The following USP18 variants were observed in gnomAD, a reference collection of about 807,000 sequenced individuals.
USP18 encodes ubl carboxyl-terminal hydrolase 18.
Under a neutral mutation model 48.7 loss-of-function variants are expected in USP18, and 11 were observed. The ratio of observed to expected loss-of-function variants is 0.23; its 90% CI spans 0.14 to 0.37. The LOEUF is 0.37. Among genes scored for constraint, USP18 ranks in the 10% least tolerant of loss-of-function variants. The pLI is 1.00. For synonymous variants in USP18, 114 were observed against 163.2 expected, an observed-to-expected ratio of 0.70 and a Z score of 2.30; for missense variants, 285 against 436.4, an observed-to-expected ratio of 0.65 and a Z score of 3.09.
At chr22:18,160,308 T>C in intron 3 of USP18, 40 bp downstream of exon 3, 1 of 1,611,428 alleles carries the variant, frequency 6.2e-7, no homozygotes, top group Non-Finnish European at 8.5e-7. Context: ...TTGTATTATT[T>C]CTTTTTCCTT....
chr22:18,159,739 G>T (rs545465294), intron 2 of USP18, among the ~76,000 whole-genome samples: 1 of 144,450 alleles, frequency 6.9e-6, no homozygotes, highest in South Asian at 2.2e-4. Context: ...GCAGTGGCGT[G>T]ATCTTGGCTC....
At position 18,161,929 on chromosome 22, in the gene USP18, G is replaced by A. The variant is rs776623244; in HGVS notation, c.394G>A (p.Val132Met). 3.1e-6 allele frequency: 5 copies of A among 1,612,262 alleles called. No homozygotes were observed. The highest frequency in any genetic ancestry group is 4.2e-6 in the Non-Finnish European group (5 of 1,179,038). ...ELAYCLQKCN[V>M]PLFVQHDAAQ... ...GGCCTACTGCCTGCAGAAGTGCAACGTGCCCTGTAAGATACCCTCCCACTG... is the reference window on the plus strand; with the variant it reads ...GGCCTACTGCCTGCAGAAGTGCAACATGCCCTGTAAGATACCCTCCCACTG... The change falls in exon 4 of 11, where the codon GTG becomes ATG. Residue 132 changes from valine (V) to methionine (M), a missense_variant. Val to Met is a conservative substitution (Grantham distance 21). Coordinates refer to ENST00000215794, the MANE Select transcript of USP18 (RefSeq NM_017414.4).
intron 6 of USP18, among the ~76,000 whole-genome samples, chr22:18,168,928 A>G (rs1304849894): frequency 2.6e-5 from 4 of 151,998 alleles, no homozygotes; most frequent in Non-Finnish European, 5.9e-5. Context: ...CACTTCCCTC[A>G]TACTGCTCCC....
At chr22:18,169,963 C>T (rs528741823) in intron 7 of USP18, 24 bp downstream of exon 7, 2 of 1,560,298 alleles carry the variant, frequency 1.3e-6, no homozygotes, top group African/African-American at 1.4e-5. Context: ...AAATCAGACT[C>T]AGCTGTCCCT....
intron 1 of USP18, among the ~76,000 whole-genome samples, chr22:18,155,631 C>T (rs1569208288): frequency 6.6e-6 from 1 of 152,210 alleles, no homozygotes; most frequent in Non-Finnish European, 1.5e-5. Flanking sequence ...GCCAGCCGGC[C>T]GGCCTGCAAG....
chr22:18,152,298 G>A (rs1296915252), intron 1 of USP18, among the ~76,000 whole-genome samples: 2 of 151,910 alleles, frequency 1.3e-5, no homozygotes, highest in African/African-American at 4.8e-5. Flanking sequence ...ACCCTCCCCA[G>A]GTTTTCTGCA....
At chr22:18,172,298 C>G (rs559454452) in intron 8 of USP18, among the ~76,000 whole-genome samples, 16 of 152,312 alleles carry the variant, frequency 1.1e-4, no homozygotes, top group African/African-American at 3.8e-4. Flanking sequence ...AGACATCATA[C>G]TATTTCATTT....
At chr22:18,175,750 G>A (rs1929767315) in intron 10 of USP18, among the ~76,000 whole-genome samples, 1 of 148,000 alleles carries the variant, frequency 6.8e-6, no homozygotes, top group Admixed American at 6.6e-5. Flanking sequence ...CGAGGCAGGA[G>A]GATCACTTCA....
At chr22:18,150,637 C>T (rs1237853468) in intron 1 of USP18, among the ~76,000 whole-genome samples, 1 of 152,160 alleles carries the variant, frequency 6.6e-6, no homozygotes, top group Non-Finnish European at 1.5e-5. Context: ...CATGGCAGGA[C>T]ATATAGATGT....
At chr22:18,168,924 C>T (rs1569211958) in intron 6 of USP18, among the ~76,000 whole-genome samples, 1 of 152,134 alleles carries the variant, frequency 6.6e-6, no homozygotes, top group Non-Finnish European at 1.5e-5. Context: ...CCTCCACTTC[C>T]CTCATACTGC....
chr22:18,155,934 G>A (rs1182367852), intron 1 of USP18, among the ~76,000 whole-genome samples: 1 of 152,272 alleles, frequency 6.6e-6, no homozygotes, highest in Admixed American at 6.5e-5. Flanking sequence ...TCCACTGGGT[G>A]AAGCCAGCTG....
chr22:18,168,814 G>T (rs1929552799), intron 6 of USP18, among the ~76,000 whole-genome samples: 1 of 152,116 alleles, frequency 6.6e-6, no homozygotes, highest in South Asian at 2.1e-4. Flanking sequence ...ATTCCCCCTT[G>T]CCTCTTTGAT....
Position 18,157,896 on chromosome 22 carries a change from C to T in USP18, c.157+76C>T. ...GCTCACCCCCTCCGCTCTGAAGCCG[C>T]AGAGCTTTGTATTCGACGGCTCATG... On this transcript the variant is annotated intron_variant, in intron 2 of 10. Transcript: ENST00000215794. 3.2e-6 allele frequency: 5 copies of T among 1,578,058 alleles called. No individual in the cohort carries two copies. In the South Asian group the frequency reaches 5.7e-5, roughly 18 times the overall value.
At chr22:18,173,075 G>A (rs1450118050) in intron 8 of USP18, 75 bp from the exon 9 acceptor site, 2 of 1,603,558 alleles carry the variant, frequency 1.2e-6, no homozygotes, top group Admixed American at 3.4e-5. Context: ...CGGGCCTAGT[G>A]TGGGCAGGTA....
intron 6 of USP18, among the ~76,000 whole-genome samples, chr22:18,169,516 C>A (rs1186217670): frequency 6.6e-6 from 1 of 152,324 alleles, no homozygotes; most frequent in South Asian, 2.1e-4. Flanking sequence ...GCGGAGATTG[C>A]GGTGAACTGA....
At chr22:18,167,863 C>T (rs375175456) in intron 5 of USP18, 27 bp from the exon 6 acceptor site, 22 of 1,606,610 alleles carry the variant, frequency 1.4e-5, no homozygotes, top group African/African-American at 9.4e-5. Flanking sequence ...GTGTTCCCAT[C>T]TCACCTCTCC....
chr22:18,172,986 C>T (rs537814394), intron 8 of USP18, among the ~76,000 whole-genome samples, 164 bp from the exon 9 acceptor site: 4 of 151,478 alleles, frequency 2.6e-5, no homozygotes, highest in Admixed American at 2.6e-4. Context: ...TCAGGATCCA[C>T]ACTCGGGAAA....
chr22:18,160,236 A>G lies in USP18; in HGVS notation c.222A>G (p.Val74=). The change falls in exon 3 of 11, where the codon GTA becomes GTG. Residue 74 remains valine (V), a synonymous_variant. Coordinates refer to ENST00000215794, the MANE Select transcript of USP18 (RefSeq NM_017414.4). ...TTAACTCCTTGATTCAGGTGTTCGT[A>G]ATGAATGTGGACTTCACCAGGATAT... is the stretch of plus-strand genomic sequence containing the variant. ...CCLNSLIQVF[V]MNVDFTRILK... The G allele has an allele frequency of 6.2e-7, 1 of 1,614,216 alleles. No homozygotes were observed. The highest frequency in any genetic ancestry group is 8.5e-7 in the Non-Finnish European group (1 of 1,180,018).
intron 1 of USP18, among the ~76,000 whole-genome samples, chr22:18,154,241 T>C (rs1441752697): frequency 6.6e-6 from 1 of 152,020 alleles, no homozygotes; most frequent in East Asian, 1.9e-4. Context: ...TTAAACCCCG[T>C]CCAGCTTGTC....
Sources: allele counts gnomAD v4.1 joint callset (sites outside exome capture counted in the v4.1 genomes callset), GRCh38; gene constraint gnomAD v4.1.1; transcripts MANE v1.5; gene names NCBI Gene and HGNC (gene_info 2026-07-23, HGNC 2026-07-21).